Variants in SLC9C1 observed in about 807,000 individuals in gnomAD.
SLC9C1 encodes solute carrier family 9 member C1.
In SLC9C1, 97 loss-of-function variants were observed where a neutral mutation model predicts 140.9. The observed-to-expected ratio is 0.69, with a 90% CI of 0.58 to 0.82. The LOEUF (loss-of-function observed/expected upper bound fraction) is 0.82, where lower values mean the gene tolerates loss of function less well. Among genes scored for constraint, SLC9C1 ranks in the 40% least tolerant of loss-of-function variants. SLC9C1 has a pLI of 0.00. For synonymous variants in SLC9C1, 440 were observed against 442.6 expected, an observed-to-expected ratio of 0.99 and a Z score of 0.07; for missense variants, 1,340 against 1,389.3, an observed-to-expected ratio of 0.96 and a Z score of 0.56.
At chr3:112,202,516 C>T (rs1044695364) in intron 17 of SLC9C1, 117 bp from the exon 18 acceptor site, 2 of 961,502 alleles carry the variant, frequency 2.1e-6, no homozygotes, top group South Asian at 2.0e-5. Flanking sequence ...AAGGTAACTA[C>T]AATAACCTGT....
At chr3:112,292,845 A>C (rs62278762) in intron 1 of SLC9C1, among the ~76,000 whole-genome samples, 57,235 of 151,182 alleles carry the variant, frequency 0.38, 10,954 homozygotes, top group East Asian at 0.57. Context: ...GCCCGGCCAC[A>C]GGTTTTCAAT....
Position 112,155,052 on chromosome 3 carries a change from G to C in SLC9C1, c.3365-3C>G. 1 of 1,454,558 alleles carries C rather than the reference G, an allele frequency of 6.9e-7. No homozygotes were observed. Among genetic ancestry groups the C allele is most frequent in the South Asian group, 1.3e-5 (1 of 78,640 alleles). 90.1% of individuals were successfully genotyped at this position (1,454,558 alleles called of 1,614,324 possible). Reference sequence around the variant, plus strand: ...TTCTTCCAATGTTCCAACTGAACCTGATTAAAAAAAAAAAAAACAGTGTTA... The same window carrying C: ...TTCTTCCAATGTTCCAACTGAACCTCATTAAAAAAAAAAAAAACAGTGTTA... On this transcript the variant is annotated splice_region_variant and splice_polypyrimidine_tract_variant and intron_variant, in intron 26 of 28. Transcript: ENST00000305815.
At chr3:112,213,381 T>C (rs1222355815) in intron 15 of SLC9C1, among the ~76,000 whole-genome samples, 1 of 152,164 alleles carries the variant, frequency 6.6e-6, no homozygotes, top group Non-Finnish European at 1.5e-5. Flanking sequence ...ATAAATGGGC[T>C]AAATGCTCCA....
intron 3 of SLC9C1, 55 bp downstream of exon 3, chr3:112,280,628 T>A (rs1219750280): frequency 6.9e-7 from 1 of 1,452,060 alleles, no homozygotes; most frequent in Non-Finnish European, 9.3e-7. Flanking sequence ...ATGCCATCTC[T>A]GCATTTATAT....
At chr3:112,284,722 G>T (rs907029097) in intron 2 of SLC9C1, among the ~76,000 whole-genome samples, 2 of 152,174 alleles carry the variant, frequency 1.3e-5, no homozygotes, top group Non-Finnish European at 2.9e-5. Flanking sequence ...CATTGAAAAT[G>T]CAAAGGATAA....
At chr3:112,180,127 G>A (rs1204494183) in intron 22 of SLC9C1, among the ~76,000 whole-genome samples, 1 of 152,190 alleles carries the variant, frequency 6.6e-6, no homozygotes, top group African/African-American at 2.4e-5. Flanking sequence ...GGTAGTCACT[G>A]TCCTAAAAAA....
intron 3 of SLC9C1, 34 bp downstream of exon 3, chr3:112,280,645 CAAAT>C (rs748428632): frequency 1.4e-5 from 22 of 1,519,942 alleles, no homozygotes; most frequent in Non-Finnish European, 1.9e-5. Flanking sequence ...ATATAATTCT[CAAAT>C]AAATAGTGTA....
intron 2 of SLC9C1, 109 bp from the exon 3 acceptor site, chr3:112,280,892 T>TG: frequency 1.1e-5 from 11 of 959,014 alleles, no homozygotes; most frequent in Non-Finnish European, 1.8e-5. Context: ...TTTCACTACT[T>TG]TTCATGAGTT....
chr3:112,187,524 T>C (rs138554136), intron 20 of SLC9C1, among the ~76,000 whole-genome samples: 1,531 of 152,302 alleles, frequency 0.01, 24 homozygotes, highest in African/African-American at 0.034. Context: ...ATGTAACCAA[T>C]AGAAGATCAA....
chr3:112,240,301 T>C (rs1008706704), intron 11 of SLC9C1, among the ~76,000 whole-genome samples: 16 of 152,232 alleles, frequency 1.1e-4, no homozygotes, highest in Admixed American at 1.0e-3. Flanking sequence ...TGGCCACCTT[T>C]TGAGGTGAGT....
intron 10 of SLC9C1, among the ~76,000 whole-genome samples, chr3:112,253,782 G>A (rs956322216): frequency 8.5e-5 from 13 of 152,142 alleles, no homozygotes; most frequent in African/African-American, 3.1e-4. Context: ...GGGTGAGTTG[G>A]CTGAGACAAC....
At chr3:112,163,069 G>A (rs1560016516) in intron 26 of SLC9C1, among the ~76,000 whole-genome samples, 1 of 98,550 alleles carries the variant, frequency 1.0e-5, no homozygotes, top group Non-Finnish European at 2.0e-5. Context: ...AGAGGTGTTT[G>A]TAGTATTCTC....
At chr3:112,149,165 G>C (rs529370026) in intron 28 of SLC9C1, among the ~76,000 whole-genome samples, 10 of 152,234 alleles carry the variant, frequency 6.6e-5, no homozygotes, top group East Asian at 1.9e-4. Context: ...ACAGGAAGTG[G>C]GGGGAGCAGT....
At chr3:112,165,537 C>G (rs2077109334) in intron 26 of SLC9C1, among the ~76,000 whole-genome samples, 1 of 152,200 alleles carries the variant, frequency 6.6e-6, no homozygotes, top group South Asian at 2.1e-4. Context: ...GAGGTCCACT[C>G]CAGACCCTGT....
chr3:112,202,191 TG>T (rs1416449947), intron 18 of SLC9C1, 58 bp downstream of exon 18: 9 of 1,576,272 alleles, frequency 5.7e-6, no homozygotes, highest in African/African-American at 2.7e-5. Context: ...AAAAAAATGA[TG>T]GATGAGGGCA....
intron 15 of SLC9C1, among the ~76,000 whole-genome samples, chr3:112,210,515 T>C (rs560481394): frequency 4.5e-4 from 68 of 152,328 alleles, no homozygotes; most frequent in African/African-American, 1.6e-3. Flanking sequence ...GAAAACAGAC[T>C]GGTGCTTTCC....
At chr3:112,271,640 T>C (rs1371118747) in intron 6 of SLC9C1, among the ~76,000 whole-genome samples, 3 of 152,038 alleles carry the variant, frequency 2.0e-5, no homozygotes, top group African/African-American at 7.2e-5. Context: ...TCAGTGCCTT[T>C]AATGTGTCAA....
chr3:112,182,935 A>C (rs551832643), intron 20 of SLC9C1, among the ~76,000 whole-genome samples: 1 of 152,344 alleles, frequency 6.6e-6, no homozygotes, highest in Non-Finnish European at 1.5e-5. Flanking sequence ...GCAGAAAGCA[A>C]AAATTTATTC....
chr3:112,241,792 C>A (rs1402504362), intron 11 of SLC9C1, among the ~76,000 whole-genome samples: 1 of 152,102 alleles, frequency 6.6e-6, no homozygotes, highest in Non-Finnish European at 1.5e-5. Flanking sequence ...AGAAGAAAAG[C>A]TGCATGCTTA....
Sources: allele counts gnomAD v4.1 joint callset (sites outside exome capture counted in the v4.1 genomes callset), GRCh38; gene constraint gnomAD v4.1.1; transcripts MANE v1.5; gene names NCBI Gene and HGNC (gene_info 2026-07-23, HGNC 2026-07-21).